The following IL13RA1 variants were observed in gnomAD, a reference collection of about 807,000 sequenced individuals.
IL13RA1 encodes interleukin 13 receptor subunit alpha 1, also known as interleukin-13 receptor subunit alpha-1.
Under a neutral mutation model 33.8 loss-of-function variants are expected in IL13RA1, and 14 were observed. The observed-to-expected ratio is 0.41, with a 90% confidence interval of 0.27 to 0.65. The LOEUF (loss-of-function observed/expected upper bound fraction) is 0.65, where lower values mean the gene tolerates loss of function less well. IL13RA1 is among the 30% of genes least tolerant of loss of function. The pLI is 0.28. For missense variants in IL13RA1, 313 were observed against 327.0 expected (o/e 0.96, Z 0.33); for synonymous variants, 116 against 115.7 (o/e 1.00, Z -0.02).
At chrX:118,751,059 G>C (rs896421836) in intron 4 of IL13RA1, among the ~76,000 whole-genome samples, 1 of 111,779 alleles carries the variant, frequency 8.9e-6, no homozygotes, top group African/African-American at 3.3e-5. Context: ...TGCCCATCTC[G>C]GCCTCCCAAA....
intron 8 of IL13RA1, among the ~76,000 whole-genome samples, chrX:118,767,533 C>T (rs2017663234): frequency 1.8e-5 from 2 of 109,492 alleles, no homozygotes; most frequent in Middle Eastern, 4.7e-3. Context: ...AGAGTGAGAC[C>T]GTCTCAAGGA....
chrX:118,764,607 T>C (rs2017626666), intron 6 of IL13RA1, among the ~76,000 whole-genome samples: 1 of 111,497 alleles, frequency 9.0e-6, no homozygotes, highest in East Asian at 2.8e-4. Flanking sequence ...TCAAAAATAA[T>C]ATCTATGTGT....
chrX:118,759,696 T>C (rs984195593), intron 5 of IL13RA1, among the ~76,000 whole-genome samples: 4 of 112,527 alleles, frequency 3.6e-5, no homozygotes, highest in African/African-American at 1.3e-4. Context: ...TAATTACCCA[T>C]TATCTTCTAT....
intron 8 of IL13RA1, among the ~76,000 whole-genome samples, 187 bp from the exon 9 acceptor site, chrX:118,773,692 A>G (rs2017750246): frequency 2.1e-5 from 2 of 95,218 alleles, no homozygotes; most frequent in Admixed American, 1.2e-4. Flanking sequence ...TTCAGGCACC[A>G]GAGGAGGACT....
At chrX:118,796,920 A>G (rs919724710), downstream of IL13RA1, among the ~76,000 whole-genome samples, 63 of 112,823 alleles carry the variant, frequency 5.6e-4, no homozygotes, top group Admixed American at 5.9e-3. Flanking sequence ...TTAGAAGTCA[A>G]TAAGATTTGG....
downstream of IL13RA1, among the ~76,000 whole-genome samples, chrX:118,798,652 A>G (rs970153631): frequency 1.8e-5 from 2 of 112,126 alleles, no homozygotes; most frequent in African/African-American, 6.5e-5. Context: ...CCCTTCTTGG[A>G]TTATGCCCTG....
the IL13RA1 span, among the ~76,000 whole-genome samples, chrX:118,800,281 C>T: frequency 2.7e-5 from 3 of 109,952 alleles, no homozygotes; most frequent in South Asian, 3.9e-4. Flanking sequence ...CGCGCGGGTC[C>T]CCTTCCACTT....
In IL13RA1 at chrX:118,747,476, A is replaced by G. The variant is rs1470184545; in HGVS notation, c.367+384A>G. 2.7e-5 allele frequency among the ~76,000 whole-genome samples: 3 copies of G among 111,220 alleles called. No individual in the cohort carries two copies. In the East Asian group the frequency reaches 8.4e-4, roughly 31 times the overall value. Reference sequence around the variant, plus strand: ...ACCCTGATCCATTTTATGAGGAAGAAAGGAACTGCGTGACTTGCTGTATGT... The same window carrying G: ...ACCCTGATCCATTTTATGAGGAAGAGAGGAACTGCGTGACTTGCTGTATGT... On this transcript the variant is annotated intron_variant, in intron 3 of 10. Coordinates refer to ENST00000371666, the MANE Select transcript of IL13RA1 (RefSeq NM_001560.3).
chrX:118,739,797 A>G (rs1262007359), intron 1 of IL13RA1, among the ~76,000 whole-genome samples: 1 of 111,574 alleles, frequency 9.0e-6, no homozygotes, highest in Admixed American at 9.6e-5. Flanking sequence ...TCAGGGGAAC[A>G]AGGGCTGCTA....
intron 3 of IL13RA1, among the ~76,000 whole-genome samples, chrX:118,747,672 A>C (rs764002172): frequency 9.0e-6 from 1 of 111,652 alleles, no homozygotes; most frequent in East Asian, 2.8e-4. Context: ...ATAGTACAAG[A>C]CAACCTTAGG....
chrX:118,784,589 T>A (rs968593112), intron 10 of IL13RA1, among the ~76,000 whole-genome samples: 1 of 111,739 alleles, frequency 8.9e-6, no homozygotes, highest in African/African-American at 3.3e-5. Context: ...TTAGTCTTAC[T>A]TCAGTGTGTG....
rs1235003802 is a variant in IL13RA1 at position 118,793,817 on chromosome X, T to A, written c.*1963T>A. On this transcript the variant is annotated 3_prime_UTR_variant, in exon 11 of 11. Coordinates refer to ENST00000371666, the MANE Select transcript of IL13RA1 (RefSeq NM_001560.3). ...ATGGCCGTGTAGAAGCATGGTGCCCTGGCTTCTCTGAGGAAGCTGGGGTTC... is the reference window on the plus strand; with the variant it reads ...ATGGCCGTGTAGAAGCATGGTGCCCAGGCTTCTCTGAGGAAGCTGGGGTTC... 2.7e-5 allele frequency: 3 copies of A among 111,955 alleles called. No homozygotes were observed. The highest frequency in any genetic ancestry group is 6.5e-5 in the African/African-American group (2 of 30,764). The allele number at this position is 111,955 out of a possible 1,213,427, so 9.2% of individuals were successfully genotyped here. A position where few individuals can be genotyped will look rare whatever the true frequency, so the allele number is the denominator to read the frequency against.
intron 6 of IL13RA1, among the ~76,000 whole-genome samples, chrX:118,764,390 A>G (rs73637815): frequency 0.014 from 1,481 of 109,695 alleles, 23 homozygotes; most frequent in African/African-American, 0.044. Context: ...TTGCAACTTG[A>G]TCCCTCACTG....
chrX:118,785,755 A>T (rs935149487), intron 10 of IL13RA1, among the ~76,000 whole-genome samples: 3 of 110,522 alleles, frequency 2.7e-5, no homozygotes, highest in Non-Finnish European at 5.7e-5. Context: ...TTGTTATTAG[A>T]GATGGGGTTG....
intron 2 of IL13RA1, among the ~76,000 whole-genome samples, chrX:118,742,298 A>G (rs1279434456): frequency 8.9e-6 from 1 of 112,282 alleles, no homozygotes; most frequent in Non-Finnish European, 1.9e-5. Flanking sequence ...TGATACTACT[A>G]GCAGTGAGAC....
rs2017236215 is a variant in IL13RA1 at position 118,732,658 on chromosome X, G to GT, written c.88+4939dup. ...TATGAGTGAGAACATGCAGTGTTTG[G>GT]TTTTTTTGTCCTTGCGATAGTTTGC... On this transcript the variant is annotated intron_variant, in intron 1 of 10. Transcript: ENST00000371666. Among the ~76,000 whole-genome samples the GT allele has an allele frequency of 3.6e-5, 4 of 109,811 alleles. No homozygotes were observed. The South Asian group carries it at 1.2e-3, about 32-fold the overall frequency.
At chrX:118,727,785 C>T (rs1185912612) in intron 1 of IL13RA1, 59 bp downstream of exon 1, 23 of 544,796 alleles carry the variant, frequency 4.2e-5, no homozygotes, top group Non-Finnish European at 5.1e-5. Context: ...GTGAGGGTCA[C>T]GGCTGAAAGG....
At chrX:118,769,467 A>G in intron 8 of IL13RA1, among the ~76,000 whole-genome samples, 1 of 112,348 alleles carries the variant, frequency 8.9e-6, no homozygotes, top group Non-Finnish European at 1.9e-5. Flanking sequence ...TAATGCTATC[A>G]TTATAGCATA....
Position 118,749,663 on chromosome X carries a change from C to T in IL13RA1, c.373C>T (p.Pro125Ser). ...EKCISPPEGD[P>S]ESAVTELQCI... ...TCTTGGCCTGGATATTCTAGGTGATCCTGAGTCTGCTGTGACTGAGCTTCA... is the reference window on the plus strand; with the variant it reads ...TCTTGGCCTGGATATTCTAGGTGATTCTGAGTCTGCTGTGACTGAGCTTCA... Residue 125 changes from proline to serine, a missense_variant, in exon 4 of 11, where the codon CCT (proline) becomes TCT (serine). Transcript: ENST00000371666. 1 of 1,207,189 alleles carries T rather than the reference C, an allele frequency of 8.3e-7. No individual in the cohort carries two copies. Among genetic ancestry groups the T allele is most frequent in the South Asian group, 1.8e-5 (1 of 56,858 alleles).
Sources: allele counts gnomAD v4.1 joint callset (sites outside exome capture counted in the v4.1 genomes callset), GRCh38; gene constraint gnomAD v4.1.1; transcripts MANE v1.5; gene names NCBI Gene and HGNC (gene_info 2026-07-23, HGNC 2026-07-21).